The following SUFU variants were observed in gnomAD, a reference collection of about 807,000 sequenced individuals.
SUFU encodes the protein SUFU negative regulator of hedgehog signaling, also known as suppressor of fused homolog.
SUFU carries 7 observed loss-of-function variants against 58.9 expected under a neutral mutation model. The observed-to-expected ratio is 0.12, with a 90% CI of 0.07 to 0.22. SUFU has a LOEUF of 0.22. Ranked by LOEUF, SUFU falls within the 10% of genes least tolerant of loss-of-function variation. The pLI, the probability that SUFU is intolerant of heterozygous loss-of-function variation, is 1.00. For synonymous variants in SUFU, 232 were observed against 254.8 expected (o/e 0.91, Z 0.85); for missense variants, 451 against 641.3 (o/e 0.70, Z 3.20).
rs1004687529 is a variant in SUFU, at chr10:102,615,189, G to A, written c.1023-79G>A. The stretch of plus-strand genomic sequence containing the variant: ...CCATTATTGTCTTTATTACTCAGGA[G>A]CCCAGCTGGAGACTCCCATCTTGCT... On this transcript the variant is annotated intron_variant, in intron 8 of 11. Transcript: ENST00000369902. 5 of 1,595,644 alleles carry A rather than the reference G, an allele frequency of 3.1e-6. No individual in the cohort carries two copies. The African/African-American group carries it at 5.4e-5, about 17-fold the overall frequency.
At chr10:102,569,954 G>A (rs2063143191) in intron 3 of SUFU, among the ~76,000 whole-genome samples, 1 of 152,218 alleles carries the variant, frequency 6.6e-6, no homozygotes, top group African/African-American at 2.4e-5. Context: ...GTTGAACTAT[G>A]ACCCACAACA....
intron 6 of SUFU, among the ~76,000 whole-genome samples, chr10:102,595,691 G>A (rs1167110799): frequency 2.6e-5 from 4 of 152,122 alleles, no homozygotes; most frequent in Non-Finnish European, 5.9e-5. Flanking sequence ...AGGAACAAAG[G>A]ACAGCTTTCT....
intron 2 of SUFU, among the ~76,000 whole-genome samples, chr10:102,528,107 C>T (rs942666033): frequency 5.3e-5 from 8 of 152,244 alleles, no homozygotes; most frequent in African/African-American, 1.4e-4. Flanking sequence ...ATTCCTGTAG[C>T]GCTCCAGGCT....
chr10:102,612,914 C>T (rs746383581), intron 8 of SUFU, among the ~76,000 whole-genome samples: 2 of 152,156 alleles, frequency 1.3e-5, no homozygotes, highest in Non-Finnish European at 2.9e-5. Flanking sequence ...ATGGCCTTAG[C>T]AGAGGGTTGG....
intron 8 of SUFU, among the ~76,000 whole-genome samples, chr10:102,612,217 A>ACG (rs2063634263): frequency 2.7e-5 from 4 of 146,012 alleles, no homozygotes; most frequent in Admixed American, 6.7e-5. Flanking sequence ...GTGCACGCGC[A>ACG]TGTGTGTGTG....
rs1564707644 is a variant in SUFU, at chr10:102,617,723, G to A, written c.1296+295G>A. 1 of 594,396 alleles carries A rather than the reference G, an allele frequency of 1.7e-6. No homozygotes were observed. Among genetic ancestry groups the A allele is most frequent in the Admixed American group, 3.0e-5 (1 of 33,012 alleles). The allele number at this position is 594,396 out of a possible 1,614,324, so 36.8% of individuals were successfully genotyped here. A position where few individuals can be genotyped will look rare whatever the true frequency, so the allele number is the denominator to read the frequency against. On this transcript the variant is annotated intron_variant, in intron 10 of 11. Coordinates refer to ENST00000369902, the MANE Select transcript of SUFU (RefSeq NM_016169.4). The surrounding 1 kb of genome is among the most constrained non-coding windows in gnomAD (Gnocchi z 4.4). The stretch of plus-strand genomic sequence containing the variant: ...TTCCCCGTGGAAATCCAGGTTGGAG[G>A]GATATAAGACTTTCTGCACCTTGGG...
intron 4 of SUFU, 94 bp from the exon 5 acceptor site, chr10:102,593,542 C>A: frequency 8.0e-7 from 1 of 1,256,152 alleles, no homozygotes; most frequent in Non-Finnish European, 1.2e-6. Flanking sequence ...TGTGGTCTCC[C>A]AACTGGAGGT....
chr10:102,620,298 A>T (rs1333154165), intron 10 of SUFU, among the ~76,000 whole-genome samples: 1 of 152,198 alleles, frequency 6.6e-6, no homozygotes, highest in Admixed American at 6.5e-5. Context: ...CAGGGGGAAG[A>T]GTGACAAGGA....
chr10:102,604,069 C>A (rs1470761818), intron 8 of SUFU, among the ~76,000 whole-genome samples: 1 of 152,230 alleles, frequency 6.6e-6, no homozygotes, highest in Non-Finnish European at 1.5e-5. Flanking sequence ...TCTCTCCTGT[C>A]AGCGCAGTGG....
intron 7 of SUFU, among the ~76,000 whole-genome samples, 178 bp from the exon 8 acceptor site, chr10:102,599,255 G>T (rs1035971656): frequency 6.6e-6 from 1 of 152,190 alleles, no homozygotes; most frequent in East Asian, 1.9e-4. Context: ...TTAAGAGCGC[G>T]GTTGTCCCCT....
chr10:102,510,589 A>G (rs2062389048), intron 2 of SUFU, among the ~76,000 whole-genome samples: 1 of 151,286 alleles, frequency 6.6e-6, no homozygotes, highest in Admixed American at 6.6e-5. Flanking sequence ...TGTGGGGCTG[A>G]GGCAGGTGGC....
upstream of SUFU, among the ~76,000 whole-genome samples, chr10:102,503,692 A>G (rs1198917188): frequency 5.3e-5 from 8 of 152,190 alleles, no homozygotes; most frequent in Admixed American, 3.3e-4. Flanking sequence ...GCGTCAGCAA[A>G]ACAGTAACAA....
chr10:102,552,959 T>C (rs1293375862), intron 3 of SUFU, among the ~76,000 whole-genome samples: 2 of 152,236 alleles, frequency 1.3e-5, no homozygotes, highest in African/African-American at 2.4e-5. Context: ...TGGCTGTTTG[T>C]TGAGTATACA....
chr10:102,589,091 T>TTGTG (rs34076958), intron 3 of SUFU, among the ~76,000 whole-genome samples: 42 of 150,960 alleles, frequency 2.8e-4, no homozygotes, highest in South Asian at 1.9e-3. Flanking sequence ...CCTGGCTAAT[T>TTGTG]TGTGTGTGTG....
chr10:102,578,361 T>G (rs569180239), intron 3 of SUFU, among the ~76,000 whole-genome samples: 80 of 151,458 alleles, frequency 5.3e-4, no homozygotes, highest in Non-Finnish European at 9.3e-4. Context: ...GTGGATCACT[T>G]GAAGTCAGGA....
intron 2 of SUFU, among the ~76,000 whole-genome samples, chr10:102,548,273 T>G (rs1564675703): frequency 6.6e-6 from 1 of 152,250 alleles, no homozygotes; most frequent in South Asian, 2.1e-4. Context: ...ACTTAGCTTC[T>G]CAGAGGTGAT....
At chr10:102,520,088 A>G (rs2135664307) in intron 2 of SUFU, among the ~76,000 whole-genome samples, 1 of 151,076 alleles carries the variant, frequency 6.6e-6, no homozygotes, top group East Asian at 2.0e-4. Context: ...CCCTATTATT[A>G]ACACCTTGCA....
rs573592414 is a variant in SUFU at position 102,593,862 on chromosome 10, C to T, written c.684-131C>T. The stretch of plus-strand genomic sequence containing the variant: ...CATCAGGGCTTCCTGACGACTCACT[C>T]CCTGACAGTCCCTGACCACGAACTA... On this transcript the variant is annotated intron_variant, in intron 5 of 11. Coordinates refer to ENST00000369902, the MANE Select transcript of SUFU (RefSeq NM_016169.4). 12 of 1,359,736 alleles carry T rather than the reference C, an allele frequency of 8.8e-6. No individual in the cohort carries two copies. In the Admixed American group the frequency reaches 1.4e-4, roughly 16 times the overall value. 84.2% of individuals were successfully genotyped at this position (1,359,736 alleles called of 1,614,324 possible).
At chr10:102,546,954 C>T (rs1046041305) in intron 2 of SUFU, among the ~76,000 whole-genome samples, 1 of 152,226 alleles carries the variant, frequency 6.6e-6, no homozygotes, top group Non-Finnish European at 1.5e-5. Context: ...CCTCTAGGCG[C>T]GTGTGCACGG....
Sources: gnomAD v4.1 joint callset for allele counts (sites outside exome capture counted in the v4.1 genomes callset) on GRCh38, gnomAD v4.1.1 for gene constraint, Gnocchi (gnomAD v3.1) non-coding constraint, MANE v1.5 for transcripts, NCBI Gene and HGNC (gene_info 2026-07-23, HGNC 2026-07-21) for gene names.